ACBD6: variants seen among roughly 807,000 people sequenced by gnomAD.
ACBD6 encodes the protein acyl-CoA binding domain containing 6.
Under a neutral mutation model 37.2 loss-of-function variants are expected in ACBD6, and 28 were observed. The ratio of observed to expected loss-of-function variants is 0.75; its 90% CI spans 0.56 to 1.03. The LOEUF is 1.03. ACBD6 is among the 50% of genes least tolerant of loss of function. ACBD6 has a pLI of 0.00. For missense variants in ACBD6, 340 were observed against 337.4 expected, an observed-to-expected ratio of 1.01 and a Z score of -0.06; for synonymous variants, 113 against 126.8, an observed-to-expected ratio of 0.89 and a Z score of 0.73.
At chr1:180,322,710 C>CT (rs1651118493) in intron 6 of ACBD6, among the ~76,000 whole-genome samples, 1 of 149,814 alleles carries the variant, frequency 6.7e-6, no homozygotes, top group African/African-American at 2.4e-5. Context: ...TAATGTCTAC[C>CT]TTTTCATCTC....
At chr1:180,444,405 A>C in intron 3 of ACBD6, among the ~76,000 whole-genome samples, 1 of 152,184 alleles carries the variant, frequency 6.6e-6, no homozygotes, top group African/African-American at 2.4e-5. Flanking sequence ...TCCTCTTTCT[A>C]ATGCAACTGC....
At chr1:180,494,685 A>G (rs1251789243) in intron 2 of ACBD6, among the ~76,000 whole-genome samples, 1 of 152,186 alleles carries the variant, frequency 6.6e-6, no homozygotes. Context: ...CTCTATAACC[A>G]TATTTTATCT....
At chr1:180,456,915 A>G (rs1649947985) in intron 3 of ACBD6, among the ~76,000 whole-genome samples, 1 of 152,080 alleles carries the variant, frequency 6.6e-6, no homozygotes, top group Admixed American at 6.6e-5. Context: ...TTTTTGGTAG[A>G]GAATATTTGC....
rs1218843355 is a variant in ACBD6 at position 180,467,466 on chromosome 1, A to C, written c.384+24803T>G. ...ATCTCTGCAAAAAAAAAAAAAAAAA[A>C]AAAAAACAAAAACAAACAAACAAAA... On this transcript the variant is annotated intron_variant, in intron 3 of 7. Transcript: ENST00000367595. Among the ~76,000 whole-genome samples the C allele has an allele frequency of 2.0e-5, 3 of 149,986 alleles. 1 individual carries two copies. The highest frequency in any genetic ancestry group is 4.4e-5 in the Non-Finnish European group (3 of 67,548).
intron 4 of ACBD6, among the ~76,000 whole-genome samples, chr1:180,420,381 G>A (rs773649529): frequency 2.0e-5 from 3 of 152,140 alleles, no homozygotes; most frequent in South Asian, 2.1e-4. Context: ...GGTTTTCACC[G>A]CCGTTTCTAT....
At chr1:180,474,817 T>G (rs1011815831) in intron 3 of ACBD6, among the ~76,000 whole-genome samples, 1 of 152,276 alleles carries the variant, frequency 6.6e-6, no homozygotes, top group African/African-American at 2.4e-5. Flanking sequence ...CCTCCTTCAC[T>G]GGATTTCAAA....
chr1:180,432,099 T>C (rs1194861160), intron 3 of ACBD6, among the ~76,000 whole-genome samples: 1 of 151,624 alleles, frequency 6.6e-6, no homozygotes, highest in Non-Finnish European at 1.5e-5. Context: ...ACCAGCTACC[T>C]AGGAGGCTGA....
intron 7 of ACBD6, among the ~76,000 whole-genome samples, chr1:180,297,952 C>T (rs545270476): frequency 1.3e-5 from 2 of 152,216 alleles, no homozygotes; most frequent in East Asian, 1.9e-4. Flanking sequence ...ACCATGTTGG[C>T]CAGGCTGGTC....
At chr1:180,291,112 T>C (rs1209065923) in intron 7 of ACBD6, among the ~76,000 whole-genome samples, 1 of 152,226 alleles carries the variant, frequency 6.6e-6, no homozygotes, top group Non-Finnish European at 1.5e-5. Flanking sequence ...CTGAGTAGTA[T>C]TCTACTGTAT....
intron 6 of ACBD6, among the ~76,000 whole-genome samples, chr1:180,340,852 C>T (rs78648876): frequency 0.071 from 10,797 of 151,964 alleles, 415 homozygotes; most frequent in African/African-American, 0.11. Flanking sequence ...TTTAATGGCT[C>T]CTGTTTCATC....
At chr1:180,419,304 A>C (rs1248712975) in intron 4 of ACBD6, among the ~76,000 whole-genome samples, 1 of 152,246 alleles carries the variant, frequency 6.6e-6, no homozygotes, top group African/African-American at 2.4e-5. Context: ...ACATTTGGAA[A>C]CTATTACCTT....
chr1:180,462,408 T>C (rs954682367), intron 3 of ACBD6, among the ~76,000 whole-genome samples: 2 of 151,982 alleles, frequency 1.3e-5, no homozygotes, highest in African/African-American at 2.4e-5. Context: ...ACCAGGCAAA[T>C]AGAAAACAGA....
intron 6 of ACBD6, among the ~76,000 whole-genome samples, chr1:180,354,925 T>C (rs1292104821): frequency 6.6e-6 from 1 of 152,182 alleles, no homozygotes; most frequent in Non-Finnish European, 1.5e-5. Flanking sequence ...AATAAAGACA[T>C]ACGCAACATT....
At chr1:180,494,690 T>C (rs1651659445) in intron 2 of ACBD6, among the ~76,000 whole-genome samples, 1 of 152,172 alleles carries the variant, frequency 6.6e-6, no homozygotes, top group African/African-American at 2.4e-5. Context: ...TAACCATATT[T>C]TATCTTTTTT....
intron 6 of ACBD6, among the ~76,000 whole-genome samples, chr1:180,324,668 T>G (rs988735408): frequency 4.6e-5 from 7 of 152,186 alleles, no homozygotes; most frequent in Non-Finnish European, 1.0e-4. Context: ...CTGATTTGTG[T>G]GTTTACTATT....
intron 6 of ACBD6, among the ~76,000 whole-genome samples, chr1:180,319,556 T>C (rs1413220401): frequency 1.3e-5 from 2 of 152,206 alleles, no homozygotes; most frequent in East Asian, 3.8e-4. Flanking sequence ...AAATTATTAT[T>C]GACCATAGTC....
At chr1:180,354,959 A>C (rs1304038783) in intron 6 of ACBD6, among the ~76,000 whole-genome samples, 1 of 152,224 alleles carries the variant, frequency 6.6e-6, no homozygotes, top group African/African-American at 2.4e-5. Context: ...AAAGCACACA[A>C]AGATGCAGTA....
rs563483330 is a variant in ACBD6, at chr1:180,343,109, CATT to C, written c.664-28390_664-28388del. Reference sequence around the variant, plus strand: ...TTTGAAATCTTTTAAATAGATGAAACATTAGGGTAAAATAAAAATACCCAACTG... The same window carrying C: ...TTTGAAATCTTTTAAATAGATGAAACAGGGTAAAATAAAAATACCCAACTG... On this transcript the variant is annotated intron_variant, in intron 6 of 7. Transcript: ENST00000367595. 1.8e-3 allele frequency among the ~76,000 whole-genome samples: 267 copies of C among 151,738 alleles called. 1 individual carries two copies. The highest frequency in any genetic ancestry group is 6.8e-3 in the Middle Eastern group (2 of 292).
At chr1:180,291,525 T>C (rs1390181887) in intron 7 of ACBD6, among the ~76,000 whole-genome samples, 1 of 152,228 alleles carries the variant, frequency 6.6e-6, no homozygotes, top group Non-Finnish European at 1.5e-5. Flanking sequence ...GATTTATCTG[T>C]TCAAATCTTT....
Sources: allele counts gnomAD v4.1 joint callset (sites outside exome capture counted in the v4.1 genomes callset), GRCh38; gene constraint gnomAD v4.1.1; transcripts MANE v1.5; gene names NCBI Gene and HGNC (gene_info 2026-07-23, HGNC 2026-07-21).